The following UNC5D variants were observed in gnomAD, a reference collection of about 807,000 sequenced individuals.
UNC5D encodes the protein unc-5 netrin receptor D, also known as netrin receptor UNC5D.
A neutral mutation model predicts 105.4 loss-of-function variants in UNC5D; 39 were observed. The observed-to-expected ratio is 0.37, with a 90% CI of 0.29 to 0.48. The LOEUF is 0.48. UNC5D is among the 20% of genes least tolerant of loss of function. UNC5D has a pLI of 0.98. For missense variants in UNC5D, 991 were observed against 1,202.4 expected, an observed-to-expected ratio of 0.82 and a Z score of 2.60; for synonymous variants, 452 against 450.4, an observed-to-expected ratio of 1.00 and a Z score of -0.04.
intron 1 of UNC5D, among the ~76,000 whole-genome samples, chr8:35,438,672 C>G (rs1344741465): frequency 6.6e-6 from 1 of 151,682 alleles, no homozygotes; most frequent in Admixed American, 6.6e-5. Context: ...TTGATTCTGG[C>G]CTTCGCATAA....
intron 1 of UNC5D, among the ~76,000 whole-genome samples, chr8:35,289,173 A>G (rs1806845048): frequency 6.6e-6 from 1 of 152,256 alleles, no homozygotes; most frequent in Admixed American, 6.5e-5. Flanking sequence ...ATGGTATTCC[A>G]TGCAAATGGA....
chr8:35,476,964 T>C (rs1219782736), intron 1 of UNC5D, among the ~76,000 whole-genome samples: 1 of 152,232 alleles, frequency 6.6e-6, no homozygotes, highest in African/African-American at 2.4e-5. Context: ...GGTTCTTCTC[T>C]CTGCATCTTA....
chr8:35,237,858 G>A (rs772519550), intron 1 of UNC5D, among the ~76,000 whole-genome samples: 12 of 152,194 alleles, frequency 7.9e-5, no homozygotes, highest in Non-Finnish European at 1.6e-4. Context: ...GAAGCCACAT[G>A]CACCTGGCTT....
intron 11 of UNC5D, among the ~76,000 whole-genome samples, chr8:35,734,758 G>A (rs891800714): frequency 6.0e-5 from 9 of 150,456 alleles, no homozygotes; most frequent in Non-Finnish European, 1.0e-4. Flanking sequence ...TGAGGGAGGG[G>A]AAATTTTATT....
At chr8:35,278,762 T>A (rs1413874773) in intron 1 of UNC5D, among the ~76,000 whole-genome samples, 1 of 152,080 alleles carries the variant, frequency 6.6e-6, no homozygotes, top group Non-Finnish European at 1.5e-5. Context: ...CTTAGTGAAT[T>A]TCCAGAACCC....
rs73583035 is a variant in UNC5D at position 35,696,518 on chromosome 8, T to C, written c.1085-9411T>C. Among the ~76,000 whole-genome samples, 669 of 152,176 alleles carry C rather than the reference T, an allele frequency of 4.4e-3. 6 individuals are homozygous for C. Among genetic ancestry groups the C allele is most frequent in the African/African-American group, 0.015 (638 of 41,522 alleles). On this transcript the variant is annotated intron_variant, in intron 7 of 16. Transcript: ENST00000404895. ...GAGAAAGATTTAATGTCTGAGATCATAGAGTGGTTTGGCTATAAAAGAAGT... is the reference window on the plus strand; with the variant it reads ...GAGAAAGATTTAATGTCTGAGATCACAGAGTGGTTTGGCTATAAAAGAAGT...
Position 35,789,173 on chromosome 8 carries a change from A to ATATATATATATG in UNC5D, c.2658-1175_2658-1174insGTATATATATAT, listed in dbSNP as rs1563765110. Among the ~76,000 whole-genome samples the ATATATATATATG allele has an allele frequency of 5.4e-4, 50 of 92,080 alleles. 1 individual carries two copies. Among genetic ancestry groups the ATATATATATATG allele is most frequent in the African/African-American group, 2.3e-3 (50 of 21,604 alleles). The allele number at this position is 92,080 out of a possible 152,430, so 60.4% of individuals were successfully genotyped here. ...TATATATATATATATATATATATATATATATATATATATATGAGATAGGGA... is the reference window on the plus strand; with the variant it reads ...TATATATATATATATATATATATATATATATATATATGTATATATATATATATGAGATAGGGA... On this transcript the variant is annotated intron_variant, in intron 16 of 16. Transcript: ENST00000404895.
chr8:35,458,561 A>G (rs559817572), intron 1 of UNC5D, among the ~76,000 whole-genome samples: 112 of 152,316 alleles, frequency 7.4e-4, no homozygotes, highest in African/African-American at 2.5e-3. Flanking sequence ...ACTAAGGAAA[A>G]CAAAGAAGCT....
chr8:35,338,386 G>T (rs1811209181), intron 1 of UNC5D, among the ~76,000 whole-genome samples: 1 of 152,068 alleles, frequency 6.6e-6, no homozygotes, highest in Admixed American at 6.6e-5. Flanking sequence ...ATTTAAGCCA[G>T]TTTTGGTTTT....
chr8:35,442,857 A>ATC (rs138221035), intron 1 of UNC5D, among the ~76,000 whole-genome samples: 3,557 of 106,866 alleles, frequency 0.033, 72 homozygotes, highest in African/African-American at 0.086. Flanking sequence ...TTCTTACACC[A>ATC]TCTCTCTCTC....
chr8:35,727,301 A>G (rs1012063344), intron 10 of UNC5D: 3 of 152,250 alleles, frequency 2.0e-5, no homozygotes, highest in Non-Finnish European at 2.9e-5. Context: ...TAGGTAGTGC[A>G]CTGAAGCAGG....
rs368533555 is a variant in UNC5D, at chr8:35,346,228, G to A, written c.103+110341G>A. On this transcript the variant is annotated intron_variant, in intron 1 of 16. Coordinates refer to ENST00000404895, the MANE Select transcript of UNC5D (RefSeq NM_080872.4). ...ACTGAGGAAGTCTGTGGAAACAATC[G>A]ATTTTCTTTGTGTGGGAATGCATGT... is the stretch of plus-strand genomic sequence containing the variant. Among the ~76,000 whole-genome samples, 16 of 152,026 alleles carry A rather than the reference G, an allele frequency of 1.1e-4. No individual in the cohort carries two copies. The East Asian group carries it at 1.4e-3, about 13-fold the overall frequency.
At chr8:35,678,849 T>C (rs569676929) in intron 4 of UNC5D, among the ~76,000 whole-genome samples, 5 of 152,262 alleles carry the variant, frequency 3.3e-5, no homozygotes, top group African/African-American at 1.2e-4. Flanking sequence ...CTTTCTCTCT[T>C]TCTTCTATCA....
chr8:35,750,903 C>A, intron 13 of UNC5D, 94 bp downstream of exon 13: 1 of 1,479,562 alleles, frequency 6.8e-7, no homozygotes, highest in South Asian at 1.2e-5. Flanking sequence ...TACTGAGGGT[C>A]TAGAAAATGA....
chr8:35,780,856 A>C (rs1802472574), intron 16 of UNC5D, among the ~76,000 whole-genome samples: 1 of 152,216 alleles, frequency 6.6e-6, no homozygotes, highest in African/African-American at 2.4e-5. Flanking sequence ...TGACAATGTC[A>C]TTATATCTGA....
intron 1 of UNC5D, among the ~76,000 whole-genome samples, chr8:35,332,964 A>C (rs1006531205): frequency 4.7e-4 from 71 of 152,304 alleles, no homozygotes; most frequent in South Asian, 1.5e-3. Flanking sequence ...AAGTACTTAC[A>C]TAATTTTGGG....
At chr8:35,350,730 T>A (rs1160855196) in intron 1 of UNC5D, among the ~76,000 whole-genome samples, 1 of 152,030 alleles carries the variant, frequency 6.6e-6, no homozygotes, top group Non-Finnish European at 1.5e-5. Context: ...ATGTTTATAG[T>A]TTGTTTAATA....
chr8:35,692,677 A>G (rs1202627551), intron 7 of UNC5D, among the ~76,000 whole-genome samples: 1 of 152,220 alleles, frequency 6.6e-6, no homozygotes, highest in African/African-American at 2.4e-5. Context: ...ACACTGCACA[A>G]TTGCTTAATG....
intron 1 of UNC5D, among the ~76,000 whole-genome samples, chr8:35,487,743 A>G (rs1430676465): frequency 6.6e-6 from 1 of 152,222 alleles, no homozygotes; most frequent in Non-Finnish European, 1.5e-5. Flanking sequence ...GTTTTAAGAC[A>G]TGCTAGATAA....
Sources: gnomAD v4.1 joint callset for allele counts (sites outside exome capture counted in the v4.1 genomes callset) on GRCh38, gnomAD v4.1.1 for gene constraint, MANE v1.5 for transcripts, NCBI Gene and HGNC (gene_info 2026-07-23, HGNC 2026-07-21) for gene names.